The following GRM5 variants were observed in gnomAD, a reference collection of about 807,000 sequenced individuals.
GRM5 encodes the protein glutamate metabotropic receptor 5.
In GRM5, 19 loss-of-function variants were observed where a neutral mutation model predicts 83.1. The ratio of observed to expected loss-of-function variants is 0.23; its 90% CI spans 0.16 to 0.34. The LOEUF (loss-of-function observed/expected upper bound fraction) is 0.34. GRM5 is among the 10% of genes least tolerant of loss of function. The pLI is 1.00. For missense variants in GRM5, 1,160 were observed against 1,588.3 expected (o/e 0.73, Z 4.58); for synonymous variants, 675 against 633.6 (o/e 1.07, Z -0.98).
At chr11:88,951,949 T>G (rs1938478458) in intron 2 of GRM5, among the ~76,000 whole-genome samples, 1 of 152,210 alleles carries the variant, frequency 6.6e-6, no homozygotes, top group Admixed American at 6.5e-5. Flanking sequence ...CTATATTGAC[T>G]GTTCTGGTCA....
chr11:88,916,549 T>G (rs1945595789), intron 2 of GRM5, among the ~76,000 whole-genome samples: 2 of 152,050 alleles, frequency 1.3e-5, no homozygotes, highest in African/African-American at 4.8e-5. Context: ...TGAGTTAAAT[T>G]GCCCTGAGAT....
chr11:88,533,249 T>C (rs1942057156), intron 8 of GRM5, among the ~76,000 whole-genome samples: 1 of 152,214 alleles, frequency 6.6e-6, no homozygotes, highest in African/African-American at 2.4e-5. Context: ...CTTGCTCACA[T>C]TGCTTCATCT....
At chr11:88,955,155 A>G (rs1938570366) in intron 2 of GRM5, among the ~76,000 whole-genome samples, 2 of 152,346 alleles carry the variant, frequency 1.3e-5, no homozygotes, top group Middle Eastern at 3.4e-3. Flanking sequence ...ATCAAAAGCA[A>G]AGATAAGGTG....
At chr11:88,701,497 C>T (rs1941034523) in intron 3 of GRM5, among the ~76,000 whole-genome samples, 1 of 152,106 alleles carries the variant, frequency 6.6e-6, no homozygotes. Flanking sequence ...GACTCAAGGT[C>T]AGCTTCAGAG....
intron 2 of GRM5, among the ~76,000 whole-genome samples, chr11:88,997,483 A>G (rs1168665248): frequency 6.6e-6 from 1 of 151,970 alleles, no homozygotes; most frequent in Non-Finnish European, 1.5e-5. Flanking sequence ...TGAAAATAAA[A>G]AATAGAGAAA....
chr11:88,752,084 T>A (rs1015962660), intron 3 of GRM5, among the ~76,000 whole-genome samples: 1 of 152,128 alleles, frequency 6.6e-6, no homozygotes, highest in African/African-American at 2.4e-5. Flanking sequence ...TTAAACATAG[T>A]ATTGAAAGTT....
intron 8 of GRM5, among the ~76,000 whole-genome samples, chr11:88,565,710 T>C (rs1360911061): frequency 1.3e-5 from 2 of 152,230 alleles, no homozygotes; most frequent in Non-Finnish European, 2.9e-5. Context: ...GCCTGCTGTG[T>C]ACAGACCATG....
At chr11:88,595,439 A>G (rs1471219440) in intron 6 of GRM5, among the ~76,000 whole-genome samples, 1 of 152,028 alleles carries the variant, frequency 6.6e-6, no homozygotes, top group Non-Finnish European at 1.5e-5. Flanking sequence ...GCTCTGTTCT[A>G]ATTTTTACTT....
intron 3 of GRM5, among the ~76,000 whole-genome samples, chr11:88,802,139 G>C (rs1943409368): frequency 6.6e-6 from 1 of 152,028 alleles, no homozygotes; most frequent in African/African-American, 2.4e-5. Flanking sequence ...ACAGTGATGA[G>C]AGCTCATGGA....
At chr11:88,930,462 G>C (rs539319507) in intron 2 of GRM5, among the ~76,000 whole-genome samples, 4 of 152,036 alleles carry the variant, frequency 2.6e-5, no homozygotes, top group South Asian at 4.2e-4. Flanking sequence ...CATTATTCAA[G>C]GAAAAAAGGA....
At chr11:88,732,240 A>C (rs1424034998) in intron 3 of GRM5, among the ~76,000 whole-genome samples, 2 of 152,090 alleles carry the variant, frequency 1.3e-5, no homozygotes, top group African/African-American at 4.8e-5. Context: ...TAATTTCTAC[A>C]CTTCAAGAAT....
chr11:88,987,375 A>G (rs370381899), intron 2 of GRM5, among the ~76,000 whole-genome samples: 15 of 151,442 alleles, frequency 9.9e-5, no homozygotes, highest in African/African-American at 2.4e-4. Flanking sequence ...ACGGAGTCTC[A>G]CTGATTGCTA....
intron 3 of GRM5, among the ~76,000 whole-genome samples, chr11:88,816,241 A>C (rs1164477483): frequency 1.5e-5 from 2 of 137,910 alleles, no homozygotes; most frequent in Non-Finnish European, 3.0e-5. Context: ...AAAAAAAAAA[A>C]AAAAGAAATT....
At chr11:88,891,595 C>A (rs1945144668) in intron 2 of GRM5, among the ~76,000 whole-genome samples, 1 of 4,426 alleles carries the variant, frequency 2.3e-4, no homozygotes, top group Non-Finnish European at 7.0e-4. Flanking sequence ...TATGGGATTT[C>A]TAAAATTCTA....
At chr11:88,820,474 G>A (rs545046933) in intron 3 of GRM5, among the ~76,000 whole-genome samples, 1 of 151,386 alleles carries the variant, frequency 6.6e-6, no homozygotes, top group Non-Finnish European at 1.5e-5. Flanking sequence ...TTTGAAATAA[G>A]GTGTTCACTG....
intron 8 of GRM5, among the ~76,000 whole-genome samples, chr11:88,525,989 T>A (rs574231628): frequency 6.6e-6 from 1 of 152,352 alleles, no homozygotes; most frequent in African/African-American, 2.4e-5. Context: ...TTGCCTTCCA[T>A]TATCAAGTTT....
intron 3 of GRM5, among the ~76,000 whole-genome samples, chr11:88,657,832 C>T (rs778104295): frequency 4.6e-5 from 7 of 152,108 alleles, no homozygotes; most frequent in Non-Finnish European, 8.8e-5. Flanking sequence ...TTGTCACAAT[C>T]AATAGTCCCA....
intron 7 of GRM5, among the ~76,000 whole-genome samples, chr11:88,570,353 T>G (rs1376719820): frequency 6.6e-6 from 1 of 151,686 alleles, no homozygotes; most frequent in East Asian, 1.9e-4. Flanking sequence ...TTGTGTTATA[T>G]GACCTCATTA....
chr11:89,033,629 T>TTA (rs1457659156), intron 2 of GRM5, among the ~76,000 whole-genome samples: 2 of 151,964 alleles, frequency 1.3e-5, no homozygotes, highest in Non-Finnish European at 2.9e-5. Context: ...ATTGTATGCA[T>TTA]TAATTTTCCA....
Sources: allele counts gnomAD v4.1 joint callset (sites outside exome capture counted in the v4.1 genomes callset), GRCh38; gene constraint gnomAD v4.1.1; transcripts MANE v1.5; gene names NCBI Gene and HGNC (gene_info 2026-07-23, HGNC 2026-07-21).